Variants in SHISA9 observed in about 807,000 individuals in gnomAD.
The protein encoded by SHISA9 is shisa family member 9.
A neutral mutation model predicts 38.0 loss-of-function variants in SHISA9; 13 were observed. That is an observed-to-expected ratio of 0.34 (90% CI 0.22 to 0.54). The LOEUF (loss-of-function observed/expected upper bound fraction) is 0.54. Among genes scored for constraint, SHISA9 ranks in the 20% least tolerant of loss-of-function variants. The probability of loss-of-function intolerance (pLI) is 0.91; values close to 1 mark genes in which losing one functional copy is unlikely to be tolerated. For synonymous variants in SHISA9, 275 were observed against 242.0 expected (o/e 1.14, Z -1.27); for missense variants, 538 against 575.8 (o/e 0.93, Z 0.67).
At chr16:13,559,309 A>G in the SHISA9 span, among the ~76,000 whole-genome samples, 1 of 152,082 alleles carries the variant, frequency 6.6e-6, no homozygotes, top group Non-Finnish European at 1.5e-5. Flanking sequence ...AAGGGTAGTG[A>G]TTAGCCCAAG....
At chr16:13,305,164 A>C in the SHISA9 span, among the ~76,000 whole-genome samples, 1 of 152,234 alleles carries the variant, frequency 6.6e-6, no homozygotes, top group Non-Finnish European at 1.5e-5. Context: ...TAATACATGT[A>C]GCCTAAAGAT....
chr16:13,030,696 T>C (rs1025712253), intron 2 of SHISA9, among the ~76,000 whole-genome samples: 2 of 152,226 alleles, frequency 1.3e-5, no homozygotes, highest in African/African-American at 2.4e-5. Context: ...TTACCTCTTG[T>C]AGACCACAGG....
At chr16:12,924,297 T>C (rs2071367172) in intron 2 of SHISA9, among the ~76,000 whole-genome samples, 1 of 152,214 alleles carries the variant, frequency 6.6e-6, no homozygotes, top group Non-Finnish European at 1.5e-5. Context: ...CATCCCTGTA[T>C]TGCCAATGTC....
At chr16:13,161,588 T>C (rs1419815349) in intron 2 of SHISA9, among the ~76,000 whole-genome samples, 2 of 152,168 alleles carry the variant, frequency 1.3e-5, no homozygotes, top group African/African-American at 4.8e-5. Flanking sequence ...CATCCCCTCC[T>C]ACGTTGGTCC....
chr16:13,188,437 G>C (rs954778165), intron 2 of SHISA9, among the ~76,000 whole-genome samples: 9 of 152,206 alleles, frequency 5.9e-5, no homozygotes, highest in African/African-American at 2.2e-4. Context: ...GTGTGGGGAG[G>C]CTGGGCACAA....
intron 2 of SHISA9, among the ~76,000 whole-genome samples, chr16:13,144,892 A>G (rs2050433493): frequency 1.3e-5 from 2 of 152,308 alleles, no homozygotes; most frequent in African/African-American, 2.4e-5. Flanking sequence ...AGGGGGAAAA[A>G]TCTAGGCAAG....
the SHISA9 span, among the ~76,000 whole-genome samples, chr16:13,479,548 A>G: frequency 6.6e-6 from 1 of 152,194 alleles, no homozygotes; most frequent in East Asian, 1.9e-4. Flanking sequence ...AATCACCTGC[A>G]TCATTTAGAA....
chr16:13,003,844 C>T (rs561405272), intron 2 of SHISA9, among the ~76,000 whole-genome samples: 10 of 148,420 alleles, frequency 6.7e-5, no homozygotes, highest in Admixed American at 3.3e-4. Flanking sequence ...GACGACAGAG[C>T]GAGACTCCGT....
intron 2 of SHISA9, among the ~76,000 whole-genome samples, chr16:12,949,489 G>A (rs911300200): frequency 2.6e-5 from 4 of 152,216 alleles, no homozygotes; most frequent in African/African-American, 9.6e-5. Context: ...TTTCCAAAAT[G>A]TCAGCCCCTA....
chr16:13,528,154 AAAGAG>A, the SHISA9 span, among the ~76,000 whole-genome samples: 4 of 152,170 alleles, frequency 2.6e-5, no homozygotes, highest in Admixed American at 6.5e-5. Context: ...CCCCGGGAAC[AAAGAG>A]AAGAGGCTTC....
Position 13,102,042 on chromosome 16 carries a change from T to A in SHISA9, c.692-101352T>A, listed in dbSNP as rs1044815197. Among the ~76,000 whole-genome samples, 8 of 152,160 alleles carry A rather than the reference T, an allele frequency of 5.3e-5. No homozygotes were observed. The South Asian group carries it at 1.7e-3, about 32-fold the overall frequency. On this transcript the variant is annotated intron_variant, in intron 2 of 4. Transcript: ENST00000558583. ...GCAGGTGCAGGTGTGTGCTCCCTAC[T>A]CACCCAGCAGTTTACTTTACTTATT... is the stretch of plus-strand genomic sequence containing the variant.
chr16:13,389,791 T>C, the SHISA9 span, among the ~76,000 whole-genome samples: 1 of 152,202 alleles, frequency 6.6e-6, no homozygotes, highest in Non-Finnish European at 1.5e-5. Context: ...TGATTTGCTG[T>C]GGAGGCTGCG....
At chr16:13,161,171 C>T (rs942223429) in intron 2 of SHISA9, among the ~76,000 whole-genome samples, 1 of 152,144 alleles carries the variant, frequency 6.6e-6, no homozygotes, top group Non-Finnish European at 1.5e-5. Flanking sequence ...CTATTGTGCT[C>T]CAGGCTGTCC....
chr16:13,463,933 A>G, the SHISA9 span, among the ~76,000 whole-genome samples: 1 of 152,182 alleles, frequency 6.6e-6, no homozygotes, highest in African/African-American at 2.4e-5. Flanking sequence ...AGTTGGCAGG[A>G]TTGTTCTTTA....
chr16:13,476,746 T>G, the SHISA9 span, among the ~76,000 whole-genome samples: 7 of 111,062 alleles, frequency 6.3e-5, no homozygotes, highest in Non-Finnish European at 1.2e-4. Context: ...GTGTTTTTTT[T>G]TTTTTTTTTT....
At chr16:13,250,873 C>A in the SHISA9 span, among the ~76,000 whole-genome samples, 5 of 152,206 alleles carry the variant, frequency 3.3e-5, no homozygotes, top group Non-Finnish European at 5.9e-5. Flanking sequence ...ACTTGACCAC[C>A]ATGATTCAGA....
intron 2 of SHISA9, among the ~76,000 whole-genome samples, chr16:13,046,715 T>G (rs1264628287): frequency 6.6e-6 from 1 of 152,216 alleles, no homozygotes; most frequent in Non-Finnish European, 1.5e-5. Flanking sequence ...TGCTTTGACT[T>G]CTCGCTTCTC....
intron 3 of SHISA9, among the ~76,000 whole-genome samples, chr16:13,207,636 C>T (rs754745793): frequency 2.6e-5 from 4 of 152,066 alleles, no homozygotes; most frequent in Admixed American, 6.6e-5. Context: ...TCAGGGCTTT[C>T]TCTGAGACAT....
intron 2 of SHISA9, among the ~76,000 whole-genome samples, chr16:13,138,855 G>A (rs1285012839): frequency 6.6e-6 from 1 of 152,094 alleles, no homozygotes; most frequent in Non-Finnish European, 1.5e-5. Flanking sequence ...CATGGCCAGA[G>A]TGTCTGACCC....
Sources: gnomAD v4.1 joint callset for allele counts (sites outside exome capture counted in the v4.1 genomes callset) on GRCh38, gnomAD v4.1.1 for gene constraint, MANE v1.5 for transcripts, NCBI Gene and HGNC (gene_info 2026-07-23, HGNC 2026-07-21) for gene names.